The following PDSS2 variants were observed in gnomAD, a reference collection of about 807,000 sequenced individuals.
PDSS2 encodes all trans-polyprenyl-diphosphate synthase PDSS2.
Under a neutral mutation model 44.5 loss-of-function variants are expected in PDSS2, and 31 were observed. The observed-to-expected ratio is 0.70, with a 90% CI of 0.52 to 0.94. The LOEUF is 0.94. Among genes scored for constraint, PDSS2 ranks in the 40% least tolerant of loss-of-function variants. The pLI is 0.00. For missense variants in PDSS2, 452 were observed against 482.2 expected, an observed-to-expected ratio of 0.94 and a Z score of 0.59; for synonymous variants, 157 against 180.3, an observed-to-expected ratio of 0.87 and a Z score of 1.03.
At chr6:107,279,889 G>A (rs1000934479) in intron 2 of PDSS2, among the ~76,000 whole-genome samples, 22 of 152,070 alleles carry the variant, frequency 1.4e-4, no homozygotes, top group African/African-American at 5.3e-4. Flanking sequence ...GAGAAGCATT[G>A]ACAGTATGAA....
intron 1 of PDSS2, among the ~76,000 whole-genome samples, chr6:107,421,349 TAAAG>T (rs1042398587): frequency 1.3e-5 from 2 of 152,120 alleles, no homozygotes; most frequent in African/African-American, 2.4e-5. Context: ...GCTTTTATCT[TAAAG>T]AAACAAAAAC....
rs531643200 is a variant in PDSS2 at position 107,364,840 on chromosome 6, T to A, written c.297-30508A>T. Among the ~76,000 whole-genome samples, 31 of 152,344 alleles carry A rather than the reference T, an allele frequency of 2.0e-4. No individual in the cohort carries two copies. The South Asian group carries it at 5.8e-3, about 29-fold the overall frequency. On this transcript the variant is annotated intron_variant, in intron 1 of 7. Coordinates refer to ENST00000369037, the MANE Select transcript of PDSS2 (RefSeq NM_020381.4). ...CTGAAAGTAGCAAGAGAAAAATGAC[T>A]TTATCATGTACACAGGAATAACAAT...
intron 7 of PDSS2, among the ~76,000 whole-genome samples, chr6:107,171,089 T>C (rs555511083): frequency 3.3e-4 from 50 of 152,334 alleles, no homozygotes; most frequent in African/African-American, 1.2e-3. Context: ...GTCACAGGCC[T>C]GTAGAACAGA....
chr6:107,265,864 C>T (rs567824211), intron 3 of PDSS2, among the ~76,000 whole-genome samples: 3 of 152,154 alleles, frequency 2.0e-5, no homozygotes, highest in South Asian at 2.1e-4. Context: ...CACTTGAACC[C>T]GAGAGGCGGA....
At chr6:107,306,819 C>T (rs1260370614) in intron 2 of PDSS2, among the ~76,000 whole-genome samples, 1 of 152,158 alleles carries the variant, frequency 6.6e-6, no homozygotes, top group Non-Finnish European at 1.5e-5. Context: ...CCTTTTTCTG[C>T]ACAATAAACA....
intron 1 of PDSS2, among the ~76,000 whole-genome samples, chr6:107,405,509 A>C (rs1298931509): frequency 6.6e-6 from 1 of 152,120 alleles, no homozygotes; most frequent in African/African-American, 2.4e-5. Context: ...AAAAACTCAC[A>C]TATCAATATT....
At chr6:107,288,247 A>G (rs976305833) in intron 2 of PDSS2, among the ~76,000 whole-genome samples, 1 of 152,238 alleles carries the variant, frequency 6.6e-6, no homozygotes, top group African/African-American at 2.4e-5. Flanking sequence ...AATACTAAGT[A>G]GAAAGTAAAA....
At chr6:107,396,856 T>C (rs1301040759) in intron 1 of PDSS2, among the ~76,000 whole-genome samples, 1 of 151,774 alleles carries the variant, frequency 6.6e-6, no homozygotes, top group Admixed American at 6.6e-5. Context: ...GCCTGGCTGA[T>C]TTTTTATTTT....
intron 1 of PDSS2, among the ~76,000 whole-genome samples, chr6:107,386,449 A>C (rs893084491): frequency 1.3e-5 from 2 of 152,116 alleles, no homozygotes; most frequent in Non-Finnish European, 2.9e-5. Flanking sequence ...GTCACAGAAC[A>C]ATGTTCTAAG....
chr6:107,152,754 A>G lies in PDSS2; in HGVS notation c.*1865T>C, dbSNP rs1770755242. The stretch of plus-strand genomic sequence containing the variant: ...CCTGCCTGGTGCCCTGCAGTGCCCG[A>G]CCATCTGCTTAGTAAAACCTACTGC... On this transcript the variant is annotated 3_prime_UTR_variant, in exon 8 of 8. Transcript: ENST00000369037. 6.6e-6 allele frequency: 1 copy of G among 152,198 alleles called. No homozygotes were observed. The highest frequency in any genetic ancestry group is 6.6e-5 in the Admixed American group (1 of 15,256). 9.4% of individuals were successfully genotyped at this position (152,198 alleles called of 1,614,324 possible).
intron 3 of PDSS2, among the ~76,000 whole-genome samples, chr6:107,253,289 G>A (rs1004376839): frequency 5.9e-5 from 9 of 152,114 alleles, no homozygotes; most frequent in African/African-American, 1.4e-4. Flanking sequence ...CGCCCGCCTC[G>A]GCCTCCCAAG....
intron 2 of PDSS2, among the ~76,000 whole-genome samples, chr6:107,316,706 T>G (rs902240782): frequency 1.3e-5 from 2 of 152,186 alleles, no homozygotes; most frequent in Non-Finnish European, 2.9e-5. Context: ...CGTTCTCCCT[T>G]CCTCAACAGT....
intron 1 of PDSS2, among the ~76,000 whole-genome samples, chr6:107,387,664 G>C (rs1463202084): frequency 2.0e-5 from 3 of 152,196 alleles, no homozygotes; most frequent in Non-Finnish European, 4.4e-5. Flanking sequence ...AAGGATAACA[G>C]ATATCCACAG....
At chr6:107,333,544 T>C (rs1409099921) in intron 2 of PDSS2, among the ~76,000 whole-genome samples, 1 of 152,126 alleles carries the variant, frequency 6.6e-6, no homozygotes, top group Non-Finnish European at 1.5e-5. Context: ...TTTTATCTTA[T>C]TTTATTTTGA....
At chr6:107,233,480 G>T (rs959577513) in intron 4 of PDSS2, among the ~76,000 whole-genome samples, 6 of 151,984 alleles carry the variant, frequency 3.9e-5, no homozygotes, top group African/African-American at 1.2e-4. Flanking sequence ...TAGCTCTATG[G>T]GTACTATAGG....
chr6:107,286,138 A>AAAT (rs1441248139), intron 2 of PDSS2, among the ~76,000 whole-genome samples: 7 of 150,206 alleles, frequency 4.7e-5, no homozygotes, highest in Admixed American at 1.3e-4. Context: ...TCGCAAAATA[A>AAAT]AAAAAAAAAA....
chr6:107,344,049 T>TG (rs1778161718), intron 1 of PDSS2, among the ~76,000 whole-genome samples: 4 of 152,172 alleles, frequency 2.6e-5, no homozygotes, highest in Middle Eastern at 3.4e-3. Flanking sequence ...GTTTCTAACT[T>TG]GAAGAAAAAA....
At chr6:107,429,904 ATATATATATATAT>A (rs1562534258) in intron 1 of PDSS2, among the ~76,000 whole-genome samples, 2,922 of 33,374 alleles carry the variant, frequency 0.088, 519 homozygotes, top group African/African-American at 0.24. Flanking sequence ...AAAAAAAAAT[ATATATATATATAT>A]ATATATATAT....
chr6:107,367,348 T>G (rs527367148), intron 1 of PDSS2, among the ~76,000 whole-genome samples: 63 of 152,240 alleles, frequency 4.1e-4, no homozygotes, highest in Non-Finnish European at 8.5e-4. Flanking sequence ...GGAAACTTCC[T>G]CAACCTAATA....
Sources: allele counts gnomAD v4.1 joint callset (sites outside exome capture counted in the v4.1 genomes callset), GRCh38; gene constraint gnomAD v4.1.1; transcripts MANE v1.5; gene names NCBI Gene and HGNC (gene_info 2026-07-23, HGNC 2026-07-21).